Variants in DNAH6 observed in about 807,000 individuals in gnomAD.
DNAH6 encodes dynein axonemal heavy chain 6.
In DNAH6, 340 loss-of-function variants were observed where a neutral mutation model predicts 491.4. That is an observed-to-expected ratio of 0.69 (90% CI 0.63 to 0.76). The LOEUF is 0.76. DNAH6 is among the 30% of genes least tolerant of loss of function. DNAH6 has a pLI of 0.00. For synonymous variants in DNAH6, 1,603 were observed against 1,686.1 expected (o/e 0.95, Z 1.21); for missense variants, 4,443 against 4,972.2 (o/e 0.89, Z 3.20).
Position 84,699,699 on chromosome 2 carries a change from C to T in DNAH6, c.7783C>T (p.Leu2595Phe). Residue 2595 changes from leucine to phenylalanine, a missense_variant, in exon 48 of 77, where the codon CTT becomes TTT. Transcript: ENST00000389394. The part of the protein sequence containing the change: ...FRSRCRMFPS[L>F]VNCCTIDWFV... Reference sequence around the variant, plus strand: ...GTCCCGATGCAGGATGTTTCCATCCCTTGTGAATTGCTGCACCATTGACTG... The same window carrying T: ...GTCCCGATGCAGGATGTTTCCATCCTTTGTGAATTGCTGCACCATTGACTG... 6.4e-7 allele frequency: 1 copy of T among 1,551,664 alleles called. No individual in the cohort carries two copies. Among genetic ancestry groups the T allele is most frequent in the South Asian group, 1.2e-5 (1 of 84,040 alleles).
chr2:84,594,194 A>G (rs1364925510), intron 17 of DNAH6, 109 bp downstream of exon 17: 2 of 434,168 alleles, frequency 4.6e-6, no homozygotes, highest in Non-Finnish European at 7.6e-6. Flanking sequence ...TCTTAATGTC[A>G]GTAAAATATG....
intron 23 of DNAH6, among the ~76,000 whole-genome samples, chr2:84,618,337 C>T (rs1299676198): frequency 6.6e-6 from 1 of 152,164 alleles, no homozygotes; most frequent in Admixed American, 6.6e-5. Flanking sequence ...CCACCAGCTT[C>T]AGTCATCCAT....
chr2:84,621,296 A>G lies in DNAH6; in HGVS notation c.3898A>G (p.Ile1300Val). The G allele has an allele frequency of 6.4e-7, 1 of 1,551,626 alleles. No individual in the cohort carries two copies. Among genetic ancestry groups the G allele is most frequent in the South Asian group, 1.2e-5 (1 of 84,062 alleles). The change falls in exon 25 of 77, where the codon ATC becomes GTC. Residue 1300 changes from isoleucine to valine, a missense_variant. Transcript: ENST00000389394. ...TCTGCGTCGCCTGTGCAAAGCTGCCATCGCTGACTATCAGGGGAAACTGAG... is the reference window on the plus strand; with the variant it reads ...TCTGCGTCGCCTGTGCAAAGCTGCCGTCGCTGACTATCAGGGGAAACTGAG... Reference protein sequence around the residue: ...TSLRRLCKAAIADYQGKLRTD... With the variant: ...TSLRRLCKAAVADYQGKLRTD...
intron 37 of DNAH6, among the ~76,000 whole-genome samples, chr2:84,660,448 GGC>G (rs1245206114): frequency 6.6e-6 from 1 of 151,964 alleles, no homozygotes; most frequent in Admixed American, 6.6e-5. Flanking sequence ...TCTTTCTTAT[GGC>G]TAATACCAAC....
chr2:84,587,891 G>A (rs770969600), intron 15 of DNAH6, among the ~76,000 whole-genome samples: 1 of 152,188 alleles, frequency 6.6e-6, no homozygotes, highest in Non-Finnish European at 1.5e-5. Flanking sequence ...GGCTGCACCT[G>A]GTTGTCCCAG....
In DNAH6 at chr2:84,694,474, C is replaced by T; in HGVS notation, c.7518C>T (p.Asp2506=). Residue 2506 remains aspartate (D), a synonymous_variant, in exon 46 of 77, where the codon GAC becomes GAT. Coordinates refer to ENST00000389394, the MANE Select transcript of DNAH6 (RefSeq NM_001370.2). ...EDKNMVFLFT[D]TQIVVEEFLE... ...AGAATATGGTTTTCCTTTTCACTGACACCCAGGTGTGTGTTTAAATAGCCC... is the reference window on the plus strand; with the variant it reads ...AGAATATGGTTTTCCTTTTCACTGATACCCAGGTGTGTGTTTAAATAGCCC... The T allele has an allele frequency of 1.9e-6, 3 of 1,550,948 alleles. No homozygotes were observed. Among genetic ancestry groups the T allele is most frequent in the Non-Finnish European group, 2.6e-6 (3 of 1,146,278 alleles).
At chr2:84,734,812 G>C (rs1407799755) in intron 62 of DNAH6, among the ~76,000 whole-genome samples, 1 of 152,134 alleles carries the variant, frequency 6.6e-6, no homozygotes, top group Non-Finnish European at 1.5e-5. Context: ...TTACAGTTAA[G>C]TTCTTAGTAA....
intron 45 of DNAH6, among the ~76,000 whole-genome samples, chr2:84,690,083 C>A (rs916972178): frequency 6.6e-6 from 1 of 152,196 alleles, no homozygotes; most frequent in African/African-American, 2.4e-5. Context: ...ATATCATATT[C>A]TGTGGAATAA....
At chr2:84,804,290 G>A (rs1679216735) in intron 70 of DNAH6, among the ~76,000 whole-genome samples, 1 of 151,368 alleles carries the variant, frequency 6.6e-6, no homozygotes, top group Non-Finnish European at 1.5e-5. Context: ...TAATTACAAT[G>A]CATTTATACC....
At chr2:84,482,052 G>T in the DNAH6 span, among the ~76,000 whole-genome samples, 8 of 152,262 alleles carry the variant, frequency 5.3e-5, no homozygotes, top group African/African-American at 1.4e-4. Context: ...GTGGTTTCCT[G>T]CCTCTGCCTC....
At chr2:84,584,487 A>G in intron 15 of DNAH6, 1 of 451,520 alleles carries the variant, frequency 2.2e-6, no homozygotes, top group Non-Finnish European at 4.0e-6. Flanking sequence ...CATTTAGAGA[A>G]CACATTTAAC....
chr2:84,719,917 C>T (rs1490312284), intron 59 of DNAH6, among the ~76,000 whole-genome samples: 1 of 151,996 alleles, frequency 6.6e-6, no homozygotes, highest in Admixed American at 6.6e-5. Context: ...CACACAAACA[C>T]ACACACCTTC....
At chr2:84,542,614 T>C (rs1678368668) in intron 4 of DNAH6, among the ~76,000 whole-genome samples, 1 of 152,184 alleles carries the variant, frequency 6.6e-6, no homozygotes, top group African/African-American at 2.4e-5. Flanking sequence ...CATGAACAGC[T>C]GTTGGTTTGG....
At chr2:84,571,659 A>C (rs1359215527) in intron 11 of DNAH6, among the ~76,000 whole-genome samples, 1 of 152,098 alleles carries the variant, frequency 6.6e-6, no homozygotes, top group Non-Finnish European at 1.5e-5. Context: ...CACGCCTGTA[A>C]TTCCAACACT....
intron 35 of DNAH6, among the ~76,000 whole-genome samples, chr2:84,656,751 C>G (rs891349234): frequency 6.6e-6 from 1 of 151,556 alleles, no homozygotes; most frequent in African/African-American, 2.4e-5. Context: ...TTTTTATTTT[C>G]TTAACAATAC....
At chr2:84,705,791 G>C (rs942140709) in intron 52 of DNAH6, 44 bp downstream of exon 52, 5 of 1,511,208 alleles carry the variant, frequency 3.3e-6, no homozygotes, top group Non-Finnish European at 4.4e-6. Flanking sequence ...TGAAGGCCAT[G>C]ATCGCCAGTC....
chr2:84,549,983 C>T lies in DNAH6; in HGVS notation c.1411C>T (p.Leu471=). The change falls in exon 9 of 77, where the codon CTA becomes TTA. Residue 471 remains leucine (L), a synonymous_variant. Transcript: ENST00000389394. ...GCTTTTGAACCATCTCACTGACAAG[C>T]TAAAACGAACACCTTCAGCAGATGT... ...NSLLNHLTDK[L]KRTPSADVIQ... is the part of the protein sequence containing the mutation. 1 of 1,613,944 alleles carries T rather than the reference C, an allele frequency of 6.2e-7. No homozygotes were observed. Among genetic ancestry groups the T allele is most frequent in the Non-Finnish European group, 8.5e-7 (1 of 1,179,950 alleles).
intron 52 of DNAH6, among the ~76,000 whole-genome samples, 153 bp from the exon 53 acceptor site, chr2:84,706,743 A>T (rs1267539168): frequency 6.6e-6 from 1 of 152,050 alleles, no homozygotes; most frequent in Non-Finnish European, 1.5e-5. Context: ...TTTTACTCTA[A>T]TTTATATTTG....
chr2:84,627,263 A>T (rs780127058), intron 29 of DNAH6, among the ~76,000 whole-genome samples: 2 of 152,238 alleles, frequency 1.3e-5, no homozygotes, highest in Non-Finnish European at 2.9e-5. Flanking sequence ...GTTCTAGAGT[A>T]GATTCAGCTG....
Sources: gnomAD v4.1 joint callset for allele counts (sites outside exome capture counted in the v4.1 genomes callset) on GRCh38, gnomAD v4.1.1 for gene constraint, MANE v1.5 for transcripts, NCBI Gene and HGNC (gene_info 2026-07-23, HGNC 2026-07-21) for gene names.